The following DENND2D variants were observed in gnomAD, a reference collection of about 807,000 sequenced individuals.
DENND2D encodes DENN domain containing 2D.
A neutral mutation model predicts 59.8 loss-of-function variants in DENND2D; 37 were observed. The ratio of observed to expected loss-of-function variants is 0.62; its 90% CI spans 0.48 to 0.81. DENND2D has a LOEUF of 0.81. Among genes scored for constraint, DENND2D ranks in the 40% least tolerant of loss-of-function variants. The probability of loss-of-function intolerance (pLI) is 0.00; values close to 1 mark genes in which losing one functional copy is unlikely to be tolerated. For synonymous variants in DENND2D, 219 were observed against 211.3 expected, an observed-to-expected ratio of 1.04 and a Z score of -0.31; for missense variants, 525 against 579.7, an observed-to-expected ratio of 0.91 and a Z score of 0.97.
In DENND2D at chr1:111,194,825, CAGGAG is replaced by C. The variant is rs1658074672; in HGVS notation, c.646-104_646-100del. 2.9e-6 allele frequency: 4 copies of C among 1,373,896 alleles called. No homozygotes were observed. In the African/African-American group the frequency reaches 5.8e-5, roughly 20 times the overall value. 85.1% of individuals were successfully genotyped at this position (1,373,896 alleles called of 1,614,324 possible). On this transcript the variant is annotated intron_variant, in intron 6 of 11. Coordinates refer to ENST00000357640, the MANE Select transcript of DENND2D (RefSeq NM_024901.5). ...TACCAGCCTCTATTCCTTCTGCCCC[CAGGAG>C]TGAATCTGGCCCTGTCTCTCTGTCC...
chr1:111,202,696 T>TACATACACAC (rs1658922468), upstream of DENND2D, among the ~76,000 whole-genome samples: 1 of 142,858 alleles, frequency 7.0e-6, no homozygotes, highest in African/African-American at 2.7e-5. Flanking sequence ...GTCACCAGGA[T>TACATACACAC]ACACACACAC....
In DENND2D at chr1:111,187,623, C is replaced by T. The variant is rs749020527; in HGVS notation, c.1398G>A (p.Arg466=). The change falls in exon 12 of 12, where the codon AGG becomes AGA. Residue 466 remains arginine, a synonymous_variant. Transcript: ENST00000357640. ...ACAGCTCTTATTTCACAGTTTTTTC[C>T]CTTGGTTTCTTCTGTTTCTTCTGTT... ...YEEQKKQKKP[R]EKTVK 6 of 1,613,616 alleles carry T rather than the reference C, an allele frequency of 3.7e-6. No individual in the cohort carries two copies. The East Asian group carries it at 1.1e-4, about 30-fold the overall frequency.
intron 4 of DENND2D, 193 bp downstream of exon 4, chr1:111,197,727 A>G: frequency 7.0e-7 from 1 of 1,421,346 alleles, no homozygotes; most frequent in Non-Finnish European, 9.2e-7. Flanking sequence ...CAGCAGCGGG[A>G]GAAGGGGCAT....
In DENND2D at chr1:111,192,267, C is replaced by T. The variant is rs35742969; in HGVS notation, c.845G>A (p.Ser282Asn). The change falls in exon 8 of 12, where the codon AGC becomes AAC. Residue 282 changes from serine (S) to asparagine (N), a missense_variant. This residue lies in a region of DENND2D where 225 missense variants were observed against 252.4 expected (regional missense o/e 0.89). Transcript: ENST00000357640. Reference sequence around the variant, plus strand: ...AACAGGGATGTAGGTGTGCGCCCAGCTGAAGGGGTAGAGCAGTGCGGCAGC... The same window carrying T: ...AACAGGGATGTAGGTGTGCGCCCAGTTGAAGGGGTAGAGCAGTGCGGCAGC... ...HAAAALLYPFSWAHTYIPVVP... is the reference protein window; with the variant it reads ...HAAAALLYPFNWAHTYIPVVP... 1 of 1,613,824 alleles carries T rather than the reference C, an allele frequency of 6.2e-7. No homozygotes were observed. Among genetic ancestry groups the T allele is most frequent in the Non-Finnish European group, 8.5e-7 (1 of 1,179,814 alleles).
At chr1:111,191,823 T>C (rs1162048722) in intron 8 of DENND2D, among the ~76,000 whole-genome samples, 1 of 152,230 alleles carries the variant, frequency 6.6e-6, no homozygotes, top group African/African-American at 2.4e-5. Context: ...TAGGGCCAGC[T>C]GGCACAGAAC....
intron 5 of DENND2D, chr1:111,196,462 T>TC (rs1327132576): frequency 6.1e-6 from 1 of 164,534 alleles, no homozygotes; most frequent in African/African-American, 2.4e-5. Flanking sequence ...CACTCTGTCC[T>TC]CCAACTCCCA....
At position 111,187,536 on chromosome 1, in the gene DENND2D, T is replaced by A. The variant is rs961240880; in HGVS notation, c.*69A>T. On this transcript the variant is annotated 3_prime_UTR_variant, in exon 12 of 12. Coordinates refer to ENST00000357640, the MANE Select transcript of DENND2D (RefSeq NM_024901.5). ...TGGGAGCTGACAGTTTTGCTGATCCTGCCACACTGGCAGGGGCTGAAGTCC... is the reference window on the plus strand; with the variant it reads ...TGGGAGCTGACAGTTTTGCTGATCCAGCCACACTGGCAGGGGCTGAAGTCC... 1 of 1,382,436 alleles carries A rather than the reference T, an allele frequency of 7.2e-7. No homozygotes were observed. Among genetic ancestry groups the A allele is most frequent in the Non-Finnish European group, 1.0e-6 (1 of 973,706 alleles). The allele number at this position is 1,382,436 out of a possible 1,614,324, so 85.6% of individuals were successfully genotyped here. A position where few individuals can be genotyped will look rare whatever the true frequency, so the allele number is the denominator to read the frequency against.
intron 6 of DENND2D, 92 bp from the exon 7 acceptor site, chr1:111,194,818 C>T (rs1658072891): frequency 2.1e-6 from 3 of 1,434,876 alleles, no homozygotes; most frequent in Non-Finnish European, 1.9e-6. Context: ...TCTATTCCTT[C>T]TGCCCCCAGG....
At chr1:111,198,020 A>G in intron 3 of DENND2D, 31 bp from the exon 4 acceptor site, 1 of 1,607,406 alleles carries the variant, frequency 6.2e-7, no homozygotes, top group Middle Eastern at 1.7e-4. Context: ...CTTGATTTGT[A>G]TTGCTCACTG....
chr1:111,199,585 A>G lies in DENND2D; in HGVS notation c.243+38T>C, dbSNP rs745863378. 2.5e-6 allele frequency: 4 copies of G among 1,587,392 alleles called. No homozygotes were observed. The Admixed American group carries it at 5.2e-5, about 21-fold the overall frequency. On this transcript the variant is annotated intron_variant, in intron 2 of 11. Coordinates refer to ENST00000357640, the MANE Select transcript of DENND2D (RefSeq NM_024901.5). ...ACCCCTACCACCTTCCAAACACCCC[A>G]GTCCTCTGGCTGGCCCTGCCCCTCC...
Position 111,187,688 on chromosome 1 carries a change from G to T in DENND2D, c.1340-7C>A. ...ATTTTCTGTTGGAAATAGCCTGTGG[G>T]TTCAAATACAGGTGTTAGAGGCATC... On this transcript the variant is annotated splice_polypyrimidine_tract_variant and splice_region_variant and intron_variant, in intron 11 of 11. Transcript: ENST00000357640. 6.2e-7 allele frequency: 1 copy of T among 1,611,374 alleles called. No homozygotes were observed. Among genetic ancestry groups the T allele is most frequent in the South Asian group, 1.1e-5 (1 of 90,906 alleles).
chr1:111,197,230 A>G lies in DENND2D; in HGVS notation c.450T>C (p.Leu150=). The part of the protein sequence containing the change: ...RLLPAGPGPR[L]PKVYCIISCI... ...AGCTGATGATGCAGTACACTTTGGGAAGGCGAGGGCCAGGGCCGGCAGGCT... is the reference window on the plus strand; with the variant it reads ...AGCTGATGATGCAGTACACTTTGGGGAGGCGAGGGCCAGGGCCGGCAGGCT... The change falls in exon 5 of 12, where the codon CTT becomes CTC. Residue 150 remains leucine, a synonymous_variant. Transcript: ENST00000357640. 6.2e-7 allele frequency: 1 copy of G among 1,613,784 alleles called. No individual in the cohort carries two copies. The highest frequency in any genetic ancestry group is 8.5e-7 in the Non-Finnish European group (1 of 1,179,946).
At chr1:111,200,147 GAGTTT>G (rs2101506882) in intron 1 of DENND2D, 2 of 582,936 alleles carry the variant, frequency 3.4e-6, no homozygotes, top group African/African-American at 3.7e-5. Context: ...TATGGCCTGA[GAGTTT>G]AGTTCATACT....
intron 5 of DENND2D, 25 bp from the exon 6 acceptor site, chr1:111,196,081 G>T (rs749698610): frequency 1.3e-6 from 2 of 1,588,012 alleles, no homozygotes; most frequent in East Asian, 2.2e-5. Context: ...ACCACGGGAG[G>T]CACGGCTCAA....
intron 1 of DENND2D, 62 bp from the exon 2 acceptor site, chr1:111,199,860 G>A (rs1484112581): frequency 6.4e-7 from 1 of 1,560,300 alleles, no homozygotes. Flanking sequence ...AGTGGAGTCT[G>A]TGAGAATCCG....
At chr1:111,190,986 G>A (rs1163746573) in intron 8 of DENND2D, among the ~76,000 whole-genome samples, 1 of 152,170 alleles carries the variant, frequency 6.6e-6, no homozygotes, top group Non-Finnish European at 1.5e-5. Context: ...GCATATTATT[G>A]TCTGTGGAGT....
intron 1 of DENND2D, chr1:111,200,001 G>C (rs1281256701): frequency 4.6e-6 from 3 of 658,910 alleles, no homozygotes; most frequent in African/African-American, 3.6e-5. Context: ...TGAAACCATG[G>C]GGAGCCAAGC....
rs562826327 is a variant in DENND2D, at chr1:111,197,022, G to A, written c.504+154C>T. On this transcript the variant is annotated intron_variant, in intron 5 of 11. Coordinates refer to ENST00000357640, the MANE Select transcript of DENND2D (RefSeq NM_024901.5). ...AATTTCCACTTTTCCCTTAAGTCAA[G>A]TGCATGCCCCTTTGCCTCAGTTTTC... 1.5e-5 allele frequency: 12 copies of A among 823,446 alleles called. No homozygotes were observed. In the East Asian group the frequency reaches 3.2e-4, roughly 22 times the overall value. The allele number at this position is 823,446 out of a possible 1,614,324, so 51.0% of individuals were successfully genotyped here. A position where few individuals can be genotyped will look rare whatever the true frequency, so the allele number is the denominator to read the frequency against.
At chr1:111,201,401 C>T (rs1658788808), upstream of DENND2D, 1 of 152,226 alleles carries the variant, frequency 6.6e-6, no homozygotes, top group Non-Finnish European at 1.5e-5. Context: ...GGACTGATTG[C>T]ACCAGCAGCC....
Sources: allele counts gnomAD v4.1 joint callset (sites outside exome capture counted in the v4.1 genomes callset), GRCh38; gene constraint gnomAD v4.1.1; regional missense constraint gnomAD v4.1.1; transcripts MANE v1.5; gene names NCBI Gene and HGNC (gene_info 2026-07-23, HGNC 2026-07-21).